Variants in BRPF3 observed in about 807,000 individuals in gnomAD.
BRPF3 encodes bromodomain and PHD finger-containing protein 3.
BRPF3 carries 18 observed loss-of-function variants against 102.0 expected under a neutral mutation model. The ratio of observed to expected loss-of-function variants is 0.18; its 90% confidence interval spans 0.12 to 0.26. BRPF3 has a LOEUF of 0.26. Among genes scored for constraint, BRPF3 ranks in the 10% least tolerant of loss-of-function variants. The pLI is 1.00. For synonymous variants in BRPF3, 570 were observed against 614.2 expected, an observed-to-expected ratio of 0.93 and a Z score of 1.06; for missense variants, 1,147 against 1,567.8, an observed-to-expected ratio of 0.73 and a Z score of 4.53.
In BRPF3 at chr6:36,222,581, C is replaced by A. The variant is rs995491061; in HGVS notation, c.3181+316C>A. Among the ~76,000 whole-genome samples, 5 of 152,128 alleles carry A rather than the reference C, an allele frequency of 3.3e-5. No homozygotes were observed. The East Asian group carries it at 9.6e-4, about 29-fold the overall frequency. On this transcript the variant is annotated intron_variant, in intron 10 of 12. Coordinates refer to ENST00000357641, the MANE Select transcript of BRPF3 (RefSeq NM_015695.3). ...TGCTAGCATTTTCTTTTATATCTTTCCAGAGGTAATCCATATGTATACAAG... is the reference window on the plus strand; with the variant it reads ...TGCTAGCATTTTCTTTTATATCTTTACAGAGGTAATCCATATGTATACAAG...
chr6:36,218,091 T>G, intron 9 of BRPF3, 81 bp downstream of exon 9: 12 of 1,238,020 alleles, frequency 9.7e-6, no homozygotes, highest in African/African-American at 1.5e-5. Flanking sequence ...ATTGAACCTC[T>G]TCCTGCTTAC....
At chr6:36,223,291 G>A (rs1036428715) in intron 10 of BRPF3, among the ~76,000 whole-genome samples, 2 of 152,190 alleles carry the variant, frequency 1.3e-5, no homozygotes, top group African/African-American at 2.4e-5. Context: ...GTGTGTTGAT[G>A]AATGCATGCC....
At chr6:36,219,172 G>A (rs942899749) in intron 9 of BRPF3, among the ~76,000 whole-genome samples, 4 of 152,140 alleles carry the variant, frequency 2.6e-5, no homozygotes, top group Admixed American at 6.5e-5. Context: ...TGGGCTGTAG[G>A]ACTACTGGTA....
intron 3 of BRPF3, among the ~76,000 whole-genome samples, chr6:36,206,159 C>A (rs1302803196): frequency 2.6e-5 from 4 of 152,184 alleles, no homozygotes; most frequent in African/African-American, 9.7e-5. Flanking sequence ...AGGTGATCTC[C>A]AGCCTCTAAT....
chr6:36,221,871 A>G (rs1257636266), intron 9 of BRPF3, among the ~76,000 whole-genome samples: 1 of 152,178 alleles, frequency 6.6e-6, no homozygotes, highest in Non-Finnish European at 1.5e-5. Flanking sequence ...AGGATTGACA[A>G]ATGACTGGTG....
chr6:36,217,965 A>C lies in BRPF3; in HGVS notation c.3038A>C (p.Glu1013Ala), dbSNP rs1768390881. 1.2e-6 allele frequency: 2 copies of C among 1,613,620 alleles called. No homozygotes were observed. Among genetic ancestry groups the C allele is most frequent in the Non-Finnish European group, 1.7e-6 (2 of 1,179,828 alleles). The change falls in exon 9 of 13, where the codon GAA becomes GCA. Residue 1013 changes from glutamate to alanine, a missense_variant. Around this residue, in one of 11 missense-constraint regions of BRPF3, gnomAD observed 379 missense variants for 426.3 expected, o/e 0.89. Transcript: ENST00000357641. ...CACACCGAAAGCGGGTCTGACTCTGAATGTAGTTTGGGTCTCAGTGGTGGA... is the reference window on the plus strand; with the variant it reads ...CACACCGAAAGCGGGTCTGACTCTGCATGTAGTTTGGGTCTCAGTGGTGGA... ...GKHTESGSDSECSLGLSGGLA... is the reference protein window; with the variant it reads ...GKHTESGSDSACSLGLSGGLA...
Position 36,201,113 on chromosome 6 carries a change from C to A in BRPF3, c.791C>A (p.Ser264Tyr). 6.2e-7 allele frequency: 1 copy of A among 1,614,174 alleles called. No homozygotes were observed. The highest frequency in any genetic ancestry group is 8.5e-7 in the Non-Finnish European group (1 of 1,180,018). ...WLCRCCLQSP[S>Y]RPVDCILCPN... is the part of the protein sequence containing the mutation. ...TGCCGCTGCTGCCTGCAGTCTCCCT[C>A]CCGGCCTGTGGATTGCATCCTTTGC... The change falls in exon 2 of 13, where the codon TCC becomes TAC. Residue 264 changes from serine (S) to tyrosine (Y), a missense_variant. Coordinates refer to ENST00000357641, the MANE Select transcript of BRPF3 (RefSeq NM_015695.3). This position sits in a 1 kb window ranked among gnomAD's most constrained non-coding sequence, Gnocchi z 5.1.
intron 11 of BRPF3, among the ~76,000 whole-genome samples, chr6:36,226,088 G>T (rs933428542): frequency 2.6e-5 from 4 of 152,132 alleles, no homozygotes; most frequent in Non-Finnish European, 5.9e-5. Flanking sequence ...CCATTCCCTA[G>T]TTGGTCACTT....
rs754656237 is a variant in BRPF3, at chr6:36,200,347, C to A, written c.25C>A (p.Arg9=). 16 of 1,613,822 alleles carry A rather than the reference C, an allele frequency of 9.9e-6. No homozygotes were observed. In the East Asian group the frequency reaches 3.6e-4, roughly 36 times the overall value. Residue 9 remains arginine (R), a synonymous_variant, in exon 2 of 13, where the codon CGG becomes AGG. Transcript: ENST00000357641. This position sits in a 1 kb window ranked among gnomAD's most constrained non-coding sequence, Gnocchi z 5.3. MRKPRRKS[R]QNAEGRRSPS... ...CATGAGGAAGCCTCGTCGGAAGTCC[C>A]GGCAGAATGCCGAGGGCCGGCGTTC...
chr6:36,210,237 A>T lies in BRPF3; in HGVS notation c.1888A>T (p.Ile630Leu). ...LSEVPDYLEF[I>L]SKPMDFSTMR... ...TTAGGTTCCAGATTACCTGGAATTC[A>T]TATCCAAGCCAATGGATTTTTCTAC... is the stretch of plus-strand genomic sequence containing the variant. Residue 630 changes from isoleucine (I) to leucine (L), a missense_variant, in exon 6 of 13, where the codon ATA becomes TTA. Around this residue, in one of 11 missense-constraint regions of BRPF3, gnomAD observed 109 missense variants for 175.1 expected, o/e 0.62. Transcript: ENST00000357641. This position sits in a 1 kb window ranked among gnomAD's most constrained non-coding sequence, Gnocchi z 4.7. 1 of 1,614,248 alleles carries T rather than the reference A, an allele frequency of 6.2e-7. No individual in the cohort carries two copies. Among genetic ancestry groups the T allele is most frequent in the Non-Finnish European group, 8.5e-7 (1 of 1,180,050 alleles).
At position 36,217,909 on chromosome 6, in the gene BRPF3, C is replaced by T; in HGVS notation, c.2990-8C>T. On this transcript the variant is annotated splice_polypyrimidine_tract_variant and splice_region_variant and intron_variant, in intron 8 of 12. Coordinates refer to ENST00000357641, the MANE Select transcript of BRPF3 (RefSeq NM_015695.3). ...TGCACTCAGACTCACTGTGTGTGTC[C>T]TTGGCAGGCATGACCAACGGCTTTG... The T allele has an allele frequency of 6.2e-7, 1 of 1,612,498 alleles. No homozygotes were observed.
At position 36,210,057 on chromosome 6, in the gene BRPF3, G is replaced by A. The variant is rs1768046250; in HGVS notation, c.1866+142G>A. ...TGGCAAAGCTAGTAGACTTGCCCTT[G>A]ATGAGGGGTCAGCAGGCCAGGGTGG... On this transcript the variant is annotated intron_variant, in intron 5 of 12. Transcript: ENST00000357641. The surrounding 1 kb of genome is among the most constrained non-coding windows in gnomAD (Gnocchi z 4.7). 3 of 1,417,586 alleles carry A rather than the reference G, an allele frequency of 2.1e-6. No homozygotes were observed. The highest frequency in any genetic ancestry group is 4.9e-5 in the East Asian group (2 of 41,226). 87.8% of individuals were successfully genotyped at this position (1,417,586 alleles called of 1,614,324 possible).
chr6:36,211,355 G>T lies in BRPF3; in HGVS notation c.2277G>T (p.Arg759=), dbSNP rs1422809206. Residue 759 remains arginine, a synonymous_variant, in exon 7 of 13, where the codon CGG becomes CGT. Transcript: ENST00000357641. ...AACTGGACCTGGTGAGCGCCATGCG[G>T]TCCAGTGGGGCCCGCACCCGTCGTG... The part of the protein sequence containing the change: ...LEKLDLVSAM[R]SSGARTRRVR... 1 of 1,614,242 alleles carries T rather than the reference G, an allele frequency of 6.2e-7. No individual in the cohort carries two copies. The highest frequency in any genetic ancestry group is 2.2e-5 in the East Asian group (1 of 44,890).
chr6:36,210,016 G>C lies in BRPF3; in HGVS notation c.1866+101G>C. ...GGGCCACAGGGTGTACAAAACCAGG[G>C]GTAGGAGGGTGGGTCTGGCAAAGCT... On this transcript the variant is annotated intron_variant, in intron 5 of 12. Coordinates refer to ENST00000357641, the MANE Select transcript of BRPF3 (RefSeq NM_015695.3). The surrounding 1 kb of genome is among the most constrained non-coding windows in gnomAD (Gnocchi z 4.7). 6.6e-7 allele frequency: 1 copy of C among 1,518,736 alleles called. No individual in the cohort carries two copies. The highest frequency in any genetic ancestry group is 1.9e-5 in the Admixed American group (1 of 52,896). 94.1% of individuals were successfully genotyped at this position (1,518,736 alleles called of 1,614,324 possible). A position where few individuals can be genotyped will look rare whatever the true frequency, so the allele number is the denominator to read the frequency against.
At chr6:36,221,417 G>A (rs191797582) in intron 9 of BRPF3, among the ~76,000 whole-genome samples, 6 of 151,480 alleles carry the variant, frequency 4.0e-5, no homozygotes, top group African/African-American at 1.5e-4. Flanking sequence ...CTCCTGAGTA[G>A]CTGGGAGTAC....
At chr6:36,207,577 G>T in intron 4 of BRPF3, 133 bp downstream of exon 4, 1 of 1,256,628 alleles carries the variant, frequency 8.0e-7, no homozygotes, top group Non-Finnish European at 1.1e-6. Flanking sequence ...AGGATTGTAG[G>T]CTCCAAGATC....
At position 36,200,149 on chromosome 6, in the gene BRPF3, T is replaced by C. The variant is rs1767640998; in HGVS notation, c.-26-148T>C. The C allele has an allele frequency of 2.1e-6, 2 of 943,304 alleles. No individual in the cohort carries two copies. Among genetic ancestry groups the C allele is most frequent in the Admixed American group, 3.2e-5 (1 of 30,996 alleles). 58.4% of individuals were successfully genotyped at this position (943,304 alleles called of 1,614,324 possible). A position where few individuals can be genotyped will look rare whatever the true frequency, so the allele number is the denominator to read the frequency against. ...GAAGAAATGAAAGACTCAAAGGAAG[T>C]GAAGGAGCAAGCCATGTGGATGCCT... On this transcript the variant is annotated intron_variant, in intron 1 of 12. Coordinates refer to ENST00000357641, the MANE Select transcript of BRPF3 (RefSeq NM_015695.3). The surrounding 1 kb of genome is among the most constrained non-coding windows in gnomAD (Gnocchi z 5.3).
Position 36,200,385 on chromosome 6 carries a change from C to T in BRPF3, c.63C>T (p.Tyr21=). ...NAEGRRSPSP[Y]SLKCSPTRET... Reference sequence around the variant, plus strand: ...AGGGCCGGCGTTCCCCGTCCCCCTACAGTCTCAAGTGCTCACCCACCCGGG... The same window carrying T: ...AGGGCCGGCGTTCCCCGTCCCCCTATAGTCTCAAGTGCTCACCCACCCGGG... Residue 21 remains tyrosine, a synonymous_variant, in exon 2 of 13, where the codon TAC becomes TAT. Transcript: ENST00000357641. This position sits in a 1 kb window ranked among gnomAD's most constrained non-coding sequence, Gnocchi z 5.3. 6.2e-7 allele frequency: 1 copy of T among 1,614,270 alleles called. No homozygotes were observed. Among genetic ancestry groups the T allele is most frequent in the African/African-American group, 1.3e-5 (1 of 75,076 alleles).
Position 36,218,030 on chromosome 6 carries a change from G to A in BRPF3, c.3083+20G>A. 2 of 1,601,124 alleles carry A rather than the reference G, an allele frequency of 1.2e-6. No individual in the cohort carries two copies. Among genetic ancestry groups the A allele is most frequent in the Non-Finnish European group, 1.7e-6 (2 of 1,171,324 alleles). ...TTGCAGGTAAGAACACATTCCCAAAGCTTTGTCAGCAGCTCTGCTACCCCT... is the reference window on the plus strand; with the variant it reads ...TTGCAGGTAAGAACACATTCCCAAAACTTTGTCAGCAGCTCTGCTACCCCT... On this transcript the variant is annotated intron_variant, in intron 9 of 12. Coordinates refer to ENST00000357641, the MANE Select transcript of BRPF3 (RefSeq NM_015695.3).
Sources: allele counts gnomAD v4.1 joint callset (sites outside exome capture counted in the v4.1 genomes callset), GRCh38; gene constraint gnomAD v4.1.1; regional missense constraint gnomAD v4.1.1; non-coding constraint Gnocchi (gnomAD v3.1); transcripts MANE v1.5; gene names NCBI Gene and HGNC (gene_info 2026-07-23, HGNC 2026-07-21).